The following UTRN variants were observed in gnomAD, a reference collection of about 807,000 sequenced individuals.
UTRN encodes the protein dystrophin-related protein 1.
A neutral mutation model predicts 463.9 loss-of-function variants in UTRN; 283 were observed. The observed-to-expected ratio is 0.61, with a 90% CI of 0.55 to 0.67. The LOEUF is 0.67. Among genes scored for constraint, UTRN ranks in the 30% least tolerant of loss-of-function variants. UTRN has a pLI of 0.00. For missense variants in UTRN, 3,922 were observed against 4,084.3 expected, an observed-to-expected ratio of 0.96 and a Z score of 1.08; for synonymous variants, 1,442 against 1,431.5, an observed-to-expected ratio of 1.01 and a Z score of -0.17.
chr6:144,459,176 G>A lies in UTRN; in HGVS notation c.2529G>A (p.Arg843=). 9 of 1,610,108 alleles carry A rather than the reference G, an allele frequency of 5.6e-6. No individual in the cohort carries two copies. Among genetic ancestry groups the A allele is most frequent in the Non-Finnish European group, 7.6e-6 (9 of 1,178,348 alleles). Residue 843 remains arginine (R), a splice_region_variant and synonymous_variant, in exon 21 of 75, where the codon CGG becomes CGA. Coordinates refer to ENST00000367545, the MANE Select transcript of UTRN (RefSeq NM_007124.3). ...SLPSLKDSCQ[R]ELTNLLGLHP... ...TGACCGTATTTTCTCTTCCTTAGCGGGAATTGACAAATCTTCTTGGCCTTC... is the reference window on the plus strand; with the variant it reads ...TGACCGTATTTTCTCTTCCTTAGCGAGAATTGACAAATCTTCTTGGCCTTC...
intron 12 of UTRN, among the ~76,000 whole-genome samples, 192 bp downstream of exon 12, chr6:144,439,087 A>G (rs1329323572): frequency 6.6e-6 from 1 of 152,194 alleles, no homozygotes; most frequent in Non-Finnish European, 1.5e-5. Context: ...AGGGCACGGT[A>G]AAATTTTATA....
At chr6:144,450,255 G>A (rs1314459188) in intron 17 of UTRN, among the ~76,000 whole-genome samples, 1 of 152,116 alleles carries the variant, frequency 6.6e-6, no homozygotes, top group Non-Finnish European at 1.5e-5. Flanking sequence ...ACTGCCTTTG[G>A]GTTAAGTCCA....
At chr6:144,667,879 C>T (rs1001680629) in intron 51 of UTRN, among the ~76,000 whole-genome samples, 1 of 152,182 alleles carries the variant, frequency 6.6e-6, no homozygotes, top group Non-Finnish European at 1.5e-5. Context: ...CTATTCACTT[C>T]TCTTCTGCAC....
Position 144,459,167 on chromosome 6 carries a change from T to G in UTRN, c.2527-7T>G. The G allele has an allele frequency of 1.2e-6, 2 of 1,608,400 alleles. No homozygotes were observed. The highest frequency in any genetic ancestry group is 1.7e-6 in the Non-Finnish European group (2 of 1,177,354). On this transcript the variant is annotated splice_polypyrimidine_tract_variant and splice_region_variant and intron_variant, in intron 20 of 74. Transcript: ENST00000367545. Reference sequence around the variant, plus strand: ...TGAGTTGTGTGACCGTATTTTCTCTTCCTTAGCGGGAATTGACAAATCTTC... The same window carrying G: ...TGAGTTGTGTGACCGTATTTTCTCTGCCTTAGCGGGAATTGACAAATCTTC...
intron 49 of UTRN, among the ~76,000 whole-genome samples, chr6:144,555,519 A>G (rs2128614100): frequency 6.6e-6 from 1 of 152,296 alleles, no homozygotes; most frequent in South Asian, 2.1e-4. Context: ...TGCAACAGCC[A>G]CCTCTTGGGT....
rs371027459 is a variant in UTRN, at chr6:144,748,130, A to G, written c.7940-116A>G. 8.4e-5 allele frequency: 112 copies of G among 1,326,874 alleles called. No individual in the cohort carries two copies. The East Asian group carries it at 2.7e-3, about 32-fold the overall frequency. 82.2% of individuals were successfully genotyped at this position (1,326,874 alleles called of 1,614,324 possible). On this transcript the variant is annotated intron_variant, in intron 54 of 74. Transcript: ENST00000367545. ...CCCTGGACAATTTTTACCCTGGAGT[A>G]ATTTTTTCTTACTTTTTCTCCGTAT... is the stretch of plus-strand genomic sequence containing the variant.
At chr6:144,514,537 T>C (rs1360419237) in intron 36 of UTRN, 113 bp from the exon 37 acceptor site, 1 of 1,139,266 alleles carries the variant, frequency 8.8e-7, no homozygotes, top group African/African-American at 1.6e-5. Context: ...CTGAAATCTC[T>C]TACTGGGGAT....
chr6:144,826,552 T>C (rs773207943), intron 66 of UTRN, among the ~76,000 whole-genome samples: 1 of 152,296 alleles, frequency 6.6e-6, no homozygotes, highest in Admixed American at 6.5e-5. Flanking sequence ...AAGTATTTCA[T>C]GGAGACTTGG....
chr6:144,729,130 T>G (rs1157302719), intron 53 of UTRN, among the ~76,000 whole-genome samples: 3 of 152,208 alleles, frequency 2.0e-5, no homozygotes, highest in Admixed American at 1.3e-4. Flanking sequence ...GATTTACTGC[T>G]AAATCCTCCT....
At chr6:144,536,242 T>C (rs1797520056) in intron 43 of UTRN, among the ~76,000 whole-genome samples, 1 of 152,258 alleles carries the variant, frequency 6.6e-6, no homozygotes, top group African/African-American at 2.4e-5. Flanking sequence ...TTTATAATGC[T>C]AGTTTTCTTC....
chr6:144,353,149 C>G (rs1243351322), intron 2 of UTRN, among the ~76,000 whole-genome samples: 2 of 151,964 alleles, frequency 1.3e-5, no homozygotes, highest in Non-Finnish European at 1.5e-5. Flanking sequence ...GAGTCTCGCT[C>G]TGTTGCCCAG....
intron 2 of UTRN, among the ~76,000 whole-genome samples, chr6:144,318,655 G>A (rs950378092): frequency 6.6e-6 from 1 of 152,084 alleles, no homozygotes; most frequent in Non-Finnish European, 1.5e-5. Flanking sequence ...GTAGAGATGG[G>A]GTTTCATCAT....
At chr6:144,339,265 A>T (rs1460877065) in intron 2 of UTRN, among the ~76,000 whole-genome samples, 1 of 152,248 alleles carries the variant, frequency 6.6e-6, no homozygotes, top group Non-Finnish European at 1.5e-5. Flanking sequence ...CCTCATTAAC[A>T]CTGAAGGGAA....
At chr6:144,553,860 A>G (rs1298592064) in intron 48 of UTRN, among the ~76,000 whole-genome samples, 3 of 151,512 alleles carry the variant, frequency 2.0e-5, no homozygotes, top group African/African-American at 4.9e-5. Flanking sequence ...AGCGAGCTGA[A>G]AGCCAGGATC....
chr6:144,314,367 G>A (rs906540882), intron 2 of UTRN, among the ~76,000 whole-genome samples: 7 of 152,170 alleles, frequency 4.6e-5, no homozygotes, highest in Admixed American at 3.9e-4. Context: ...GAGCTGGCCA[G>A]CCCAGACCCA....
Position 144,700,118 on chromosome 6 carries a change from A to G in UTRN, c.7684A>G (p.Asn2562Asp). The G allele has an allele frequency of 6.2e-7, 1 of 1,612,414 alleles. No homozygotes were observed. The highest frequency in any genetic ancestry group is 8.5e-7 in the Non-Finnish European group (1 of 1,178,890). The change falls in exon 53 of 75, where the codon AAC (asparagine) becomes GAC (aspartate). Residue 2562 changes from asparagine (N) to aspartate (D), a missense_variant. Asn to Asp is a conservative substitution (Grantham distance 23, BLOSUM62 1). This residue lies in a region of UTRN where 1,309 missense variants were observed against 1,452.6 expected (regional missense o/e 0.90). Transcript: ENST00000367545. Reference sequence around the variant, plus strand: ...TTTGGAGGCCAGCGCTGAGAAGTGGAACAGGTTGCTGATGTCCTTAGAAGA... The same window carrying G: ...TTTGGAGGCCAGCGCTGAGAAGTGGGACAGGTTGCTGATGTCCTTAGAAGA... ...AHLEASAEKW[N>D]RLLMSLEELI...
chr6:144,566,404 C>T (rs746779009), intron 50 of UTRN, among the ~76,000 whole-genome samples: 1 of 152,096 alleles, frequency 6.6e-6, no homozygotes, highest in African/African-American at 2.4e-5. Context: ...TGTTGAACTA[C>T]TCTTTAATAG....
In UTRN at chr6:144,744,320, ATGTGTGTGTGTGTGTG is replaced by A. The variant is rs757430794; in HGVS notation, c.7940-3908_7940-3893del. Among the ~76,000 whole-genome samples the A allele has an allele frequency of 1.2e-4, 11 of 95,436 alleles. No individual in the cohort carries two copies. The East Asian group carries it at 1.4e-3, about 12-fold the overall frequency. 62.6% of individuals were successfully genotyped at this position (95,436 alleles called of 152,430 possible). On this transcript the variant is annotated intron_variant, in intron 54 of 74. Coordinates refer to ENST00000367545, the MANE Select transcript of UTRN (RefSeq NM_007124.3). ...ATGGTGTATACATATATATATATAT[ATGTGTGTGTGTGTGTG>A]TGTGTGTGTGTGTGTGTATAAAATT...
At chr6:144,346,857 CTCTG>C (rs57647865) in intron 2 of UTRN, among the ~76,000 whole-genome samples, 6 of 150,444 alleles carry the variant, frequency 4.0e-5, no homozygotes, top group South Asian at 2.1e-4. Context: ...ATCACTATCT[CTCTG>C]TCTATCTATG....
Sources: allele counts gnomAD v4.1 joint callset (sites outside exome capture counted in the v4.1 genomes callset), GRCh38; gene constraint gnomAD v4.1.1; regional missense constraint gnomAD v4.1.1; transcripts MANE v1.5; gene names NCBI Gene and HGNC (gene_info 2026-07-23, HGNC 2026-07-21).